RBFOX3: variants seen among roughly 807,000 people sequenced by gnomAD.
RBFOX3 encodes the protein RNA binding protein fox-1 homolog 3.
A neutral mutation model predicts 48.7 loss-of-function variants in RBFOX3; 17 were observed. The observed-to-expected ratio is 0.35, with a 90% CI of 0.24 to 0.52. The LOEUF is 0.52. RBFOX3 is among the 20% of genes least tolerant of loss of function. The pLI, the probability that RBFOX3 is intolerant of heterozygous loss-of-function variation, is 0.94. For synonymous variants in RBFOX3, 212 were observed against 209.5 expected (o/e 1.01, Z -0.10); for missense variants, 382 against 497.5 (o/e 0.77, Z 2.21).
rs2064127209 is a variant in RBFOX3, at chr17:79,252,538, G to T, written c.-73-16733C>A. Among the ~76,000 whole-genome samples, 1 of 152,184 alleles carries T rather than the reference G, an allele frequency of 6.6e-6. No homozygotes were observed. ...GGCCTCTAGAGGCTGGAACAGGGAG[G>T]CAGTGGACTCTCCCTCGGAAATGAG... is the stretch of plus-strand genomic sequence containing the variant. On this transcript the variant is annotated intron_variant, in intron 3 of 14. Transcript: ENST00000693108. This position sits in a 1 kb window ranked among gnomAD's most constrained non-coding sequence, Gnocchi z 4.0.
At chr17:79,417,809 G>T (rs1247261288) in intron 2 of RBFOX3, among the ~76,000 whole-genome samples, 1 of 152,252 alleles carries the variant, frequency 6.6e-6, no homozygotes, top group Non-Finnish European at 1.5e-5. Context: ...AGCCACACGG[G>T]GCGGCAGCCC....
intron 2 of RBFOX3, among the ~76,000 whole-genome samples, chr17:79,394,262 G>A (rs1406941027): frequency 6.6e-6 from 1 of 152,176 alleles, no homozygotes; most frequent in African/African-American, 2.4e-5. Context: ...ACTCAAGGAC[G>A]ACACTGTGTC....
rs897984151 is a variant in RBFOX3 at position 79,390,429 on chromosome 17, A to G, written c.-174-82605T>C. Among the ~76,000 whole-genome samples, 1 of 151,656 alleles carries G rather than the reference A, an allele frequency of 6.6e-6. No individual in the cohort carries two copies. The highest frequency in any genetic ancestry group is 1.5e-5 in the Non-Finnish European group (1 of 67,996). On this transcript the variant is annotated intron_variant, in intron 2 of 14. Transcript: ENST00000693108. The surrounding 1 kb of genome is among the most constrained non-coding windows in gnomAD (Gnocchi z 4.2). ...CCATCTGCCCACTTTGGTGCTGGAA[A>G]ATGCACTCAGAGTCCAACCGGCGTG...
At chr17:79,407,946 C>T (rs188604816) in intron 2 of RBFOX3, among the ~76,000 whole-genome samples, 9 of 152,284 alleles carry the variant, frequency 5.9e-5, no homozygotes, top group South Asian at 4.1e-4. Context: ...AAAGATGAAA[C>T]GCCGGCTTCT....
intron 4 of RBFOX3, among the ~76,000 whole-genome samples, chr17:79,213,517 A>T (rs978355392): frequency 6.6e-6 from 1 of 151,978 alleles, no homozygotes; most frequent in Non-Finnish European, 1.5e-5. Context: ...TTGGCCTCCC[A>T]CCCCGCCAAC....
chr17:79,364,541 C>T lies in RBFOX3; in HGVS notation c.-174-56717G>A, dbSNP rs536087602. 2.6e-3 allele frequency among the ~76,000 whole-genome samples: 393 copies of T among 152,328 alleles called. 3 individuals are homozygous for T. The highest frequency in any genetic ancestry group is 4.6e-3 in the Non-Finnish European group (312 of 68,034). On this transcript the variant is annotated intron_variant, in intron 2 of 14. Coordinates refer to ENST00000693108, the MANE Select transcript of RBFOX3 (RefSeq NM_001350451.2). This position sits in a 1 kb window ranked among gnomAD's most constrained non-coding sequence, Gnocchi z 5.1. ...GCGCAGTTAATGAGTGTGTTGACTG[C>T]ACAGACACTGCGTGCAGCTCTGGGG...
At chr17:79,656,633 A>AG in the RBFOX3 span, among the ~76,000 whole-genome samples, 2 of 139,658 alleles carry the variant, frequency 1.4e-5, no homozygotes, top group African/African-American at 5.9e-5. Context: ...AAGAGAAGAA[A>AG]GAAAGGAAGA....
At chr17:79,413,564 G>A (rs568217695) in intron 2 of RBFOX3, among the ~76,000 whole-genome samples, 1 of 152,370 alleles carries the variant, frequency 6.6e-6, no homozygotes, top group South Asian at 2.1e-4. Context: ...ACTTCATCAG[G>A]GAGCAGGTTT....
chr17:79,163,013 G>A (rs959940514), intron 4 of RBFOX3, among the ~76,000 whole-genome samples: 6 of 152,206 alleles, frequency 3.9e-5, no homozygotes, highest in Admixed American at 2.0e-4. Flanking sequence ...GCACAGACAC[G>A]CCAGGGCTGT....
chr17:79,487,964 C>A (rs296140), intron 1 of RBFOX3, among the ~76,000 whole-genome samples: 27,868 of 142,688 alleles, frequency 0.2, 2,714 homozygotes, highest in Middle Eastern at 0.27. Flanking sequence ...CAAATGGGAT[C>A]AAGAAGTTGT....
At chr17:79,378,082 G>A (rs151018300) in intron 2 of RBFOX3, among the ~76,000 whole-genome samples, 13 of 152,268 alleles carry the variant, frequency 8.5e-5, no homozygotes, top group South Asian at 2.1e-4. Flanking sequence ...ACAAGTGCCC[G>A]GACCCCGTGA....
chr17:79,140,606 C>A (rs2041729674), intron 4 of RBFOX3, among the ~76,000 whole-genome samples: 1 of 152,248 alleles, frequency 6.6e-6, no homozygotes, highest in Non-Finnish European at 1.5e-5. Flanking sequence ...CCTACAGTCC[C>A]ACAGCTCGGA....
chr17:79,654,720 A>T, the RBFOX3 span, among the ~76,000 whole-genome samples: 1 of 152,208 alleles, frequency 6.6e-6, no homozygotes, highest in Non-Finnish European at 1.5e-5. Context: ...AGCACCTTGC[A>T]GGGGAGGGCC....
the RBFOX3 span, among the ~76,000 whole-genome samples, chr17:79,656,663 A>G: frequency 3.1e-4 from 41 of 132,672 alleles, 1 homozygote; most frequent in African/African-American, 1.2e-3. Flanking sequence ...AAGGAAGAGA[A>G]GAAAGGAAAG....
rs1408423959 is a variant in RBFOX3, at chr17:79,390,743, T to C, written c.-174-82919A>G. On this transcript the variant is annotated intron_variant, in intron 2 of 14. Coordinates refer to ENST00000693108, the MANE Select transcript of RBFOX3 (RefSeq NM_001350451.2). This position sits in a 1 kb window ranked among gnomAD's most constrained non-coding sequence, Gnocchi z 4.2. ...CTGCCCGTCTCGGCCTCCCAACGCA[T>C]GGCCCATTCAAAGTTTGCCAGAGGC... 1.3e-5 allele frequency among the ~76,000 whole-genome samples: 2 copies of C among 152,182 alleles called. No homozygotes were observed. Among genetic ancestry groups the C allele is most frequent in the African/African-American group, 4.8e-5 (2 of 41,442 alleles).
chr17:79,297,423 C>A (rs2074575094), intron 3 of RBFOX3, among the ~76,000 whole-genome samples: 1 of 152,184 alleles, frequency 6.6e-6, no homozygotes, highest in African/African-American at 2.4e-5. Context: ...ACTAGTAGAG[C>A]AGGTGAGATT....
intron 4 of RBFOX3, among the ~76,000 whole-genome samples, chr17:79,197,927 G>A (rs151327363): frequency 8.5e-4 from 130 of 152,262 alleles, no homozygotes; most frequent in African/African-American, 3.0e-3. Context: ...CCCCGACTCC[G>A]GGCATGGAAG....
At chr17:79,599,706 T>A (rs1473950073) in intron 1 of RBFOX3, 1 of 152,168 alleles carries the variant, frequency 6.6e-6, no homozygotes, top group Non-Finnish European at 1.5e-5. Flanking sequence ...AATATTTTCT[T>A]AAAGGGAGAA....
intron 4 of RBFOX3, among the ~76,000 whole-genome samples, chr17:79,160,560 C>T (rs1486894803): frequency 1.3e-5 from 2 of 152,222 alleles, no homozygotes; most frequent in Non-Finnish European, 2.9e-5. Flanking sequence ...CCTGGGTTCC[C>T]GGGGCACCCC....
Sources: allele counts gnomAD v4.1 joint callset (sites outside exome capture counted in the v4.1 genomes callset), GRCh38; gene constraint gnomAD v4.1.1; non-coding constraint Gnocchi (gnomAD v3.1); transcripts MANE v1.5; gene names NCBI Gene and HGNC (gene_info 2026-07-23, HGNC 2026-07-21).